Variants in OARD1 observed in about 807,000 individuals in gnomAD.
OARD1 encodes O-acyl-ADP-ribose deacylase 1, also known as ADP-ribose glycohydrolase OARD1.
A neutral mutation model predicts 19.7 loss-of-function variants in OARD1; 19 were observed. The ratio of observed to expected loss-of-function variants is 0.96; its 90% CI spans 0.67 to 1.41. The LOEUF (loss-of-function observed/expected upper bound fraction) is 1.41, where lower values mean the gene tolerates loss of function less well. Ranked by LOEUF, OARD1 falls within the 40% of genes most tolerant of loss-of-function variation. OARD1 has a pLI of 0.00. For synonymous variants in OARD1, 70 were observed against 61.8 expected (o/e 1.13, Z -0.62); for missense variants, 190 against 183.8 (o/e 1.03, Z -0.20).
At chr6:41,079,508 A>G (rs982715174) in intron 1 of OARD1, among the ~76,000 whole-genome samples, 1 of 152,244 alleles carries the variant, frequency 6.6e-6, no homozygotes, top group Non-Finnish European at 1.5e-5. Flanking sequence ...GTCTTTGGCC[A>G]CAACAGACAA....
chr6:41,071,525 A>C, intron 2 of OARD1, 71 bp downstream of exon 2: 1 of 1,299,320 alleles, frequency 7.7e-7, no homozygotes, highest in South Asian at 1.2e-5. Flanking sequence ...ATTTAATTAA[A>C]AAGTGTTTAT....
intron 1 of OARD1, chr6:41,084,296 T>G: frequency 7.6e-7 from 1 of 1,318,592 alleles, no homozygotes; most frequent in South Asian, 1.5e-5. Context: ...AACTGCTTCC[T>G]AACCCACATT....
At chr6:41,079,774 A>C (rs562117873) in intron 1 of OARD1, among the ~76,000 whole-genome samples, 2 of 152,346 alleles carry the variant, frequency 1.3e-5, no homozygotes, top group South Asian at 4.1e-4. Flanking sequence ...TCCCCACCCC[A>C]GAAGAAAAAA....
chr6:41,082,557 T>G (rs1763938870), intron 1 of OARD1, among the ~76,000 whole-genome samples: 1 of 152,174 alleles, frequency 6.6e-6, no homozygotes, highest in African/African-American at 2.4e-5. Context: ...AGATAGAAAA[T>G]TATTAATAGC....
At chr6:41,089,380 CCAGA>C (rs1473544954) in intron 1 of OARD1, among the ~76,000 whole-genome samples, 1 of 152,184 alleles carries the variant, frequency 6.6e-6, no homozygotes, top group Non-Finnish European at 1.5e-5. Flanking sequence ...TATCAGGTAT[CCAGA>C]CAGTGTCGAA....
intron 1 of OARD1, among the ~76,000 whole-genome samples, chr6:41,085,977 A>C (rs533180311): frequency 3.5e-4 from 53 of 152,326 alleles, no homozygotes; most frequent in African/African-American, 1.1e-3. Flanking sequence ...TATTTTTGCC[A>C]AGATAGAATT....
Position 41,091,567 on chromosome 6 carries a change from C to G in OARD1, c.-42+6146G>C, listed in dbSNP as rs958424394. ...TCAGGCATGATCACTATCCCAGCAG[C>G]CAGTTTGGCAGGAGCACAGATTGTT... On this transcript the variant is annotated intron_variant, in intron 1 of 4. Coordinates refer to the OARD1 transcript ENST00000480585. 6 of 1,614,022 alleles carry G rather than the reference C, an allele frequency of 3.7e-6. No homozygotes were observed. In the African/African-American group the frequency reaches 8.0e-5, roughly 22 times the overall value.
chr6:41,067,979 C>G (rs1294978314), intron 5 of OARD1, among the ~76,000 whole-genome samples: 1 of 149,846 alleles, frequency 6.7e-6, no homozygotes, highest in Non-Finnish European at 1.5e-5. Context: ...TACTTGGCAC[C>G]TTCCAAGATG....
intron 1 of OARD1, chr6:41,078,974 G>A: frequency 1.3e-6 from 1 of 781,538 alleles, no homozygotes; most frequent in Middle Eastern, 2.4e-4. Flanking sequence ...TTAATTGTCT[G>A]GTAAGGCCTT....
Position 41,071,349 on chromosome 6 carries a change from T to C in OARD1, c.40-73A>G, listed in dbSNP as rs1763373828. The C allele has an allele frequency of 5.5e-6, 8 of 1,467,630 alleles. 1 individual carries two copies. In the South Asian group the frequency reaches 5.9e-5, roughly 11 times the overall value. 90.9% of individuals were successfully genotyped at this position (1,467,630 alleles called of 1,614,324 possible). A position where few individuals can be genotyped will look rare whatever the true frequency, so the allele number is the denominator to read the frequency against. On this transcript the variant is annotated intron_variant, in intron 2 of 5. Coordinates refer to ENST00000424266, the MANE Select transcript of OARD1 (RefSeq NM_001329686.2). ...AATACTAAGCTATTTTTCTGTATTT[T>C]GTGTCCCCCACGACTACCTCTCCCG...
chr6:41,067,097 A>G lies in OARD1; in HGVS notation c.*238T>C. 3.6e-6 allele frequency: 1 copy of G among 280,820 alleles called. No homozygotes were observed. The highest frequency in any genetic ancestry group is 6.8e-6 in the Non-Finnish European group (1 of 148,066). 17.4% of individuals were successfully genotyped at this position (280,820 alleles called of 1,614,324 possible). On this transcript the variant is annotated 3_prime_UTR_variant, in exon 6 of 6. Coordinates refer to ENST00000424266, the MANE Select transcript of OARD1 (RefSeq NM_001329686.2). ...TCCCGACAATCTGGTTTCCCTGCCT[A>G]TTATCAAGCCACCTAACTCCTTACT...
chr6:41,069,920 T>C, intron 4 of OARD1, 156 bp downstream of exon 4: 1 of 708,740 alleles, frequency 1.4e-6, no homozygotes, highest in Middle Eastern at 2.6e-4. Flanking sequence ...ATCACTGGAC[T>C]GGAGTTGTCA....
At chr6:41,075,398 T>G (rs1281446156), upstream of OARD1, 1 of 152,258 alleles carries the variant, frequency 6.6e-6, no homozygotes. Context: ...TATGTTCTGG[T>G]CACTTCAAAA....
upstream of OARD1, among the ~76,000 whole-genome samples, chr6:41,076,633 A>G (rs976180038): frequency 1.3e-5 from 2 of 152,256 alleles, no homozygotes; most frequent in African/African-American, 4.8e-5. Flanking sequence ...CACTAGGAAG[A>G]GAATTTTCAT....
chr6:41,094,846 C>T (rs764425721), intron 1 of OARD1, among the ~76,000 whole-genome samples: 1 of 152,154 alleles, frequency 6.6e-6, no homozygotes, highest in Non-Finnish European at 1.5e-5. Flanking sequence ...GGTTGAGATG[C>T]TCTTCGTCTT....
rs146583416 is a variant in OARD1, at chr6:41,065,620, A to G, written c.*1715T>C. The G allele has an allele frequency of 1.1e-4, 16 of 152,310 alleles. No individual in the cohort carries two copies. The East Asian group carries it at 3.1e-3, about 29-fold the overall frequency. 9.4% of individuals were successfully genotyped at this position (152,310 alleles called of 1,614,324 possible). A position where few individuals can be genotyped will look rare whatever the true frequency, so the allele number is the denominator to read the frequency against. ...AGTTTGATAATGAACTTGACCCTCC[A>G]CTGCCCCTACCCCAACAACATGAAG... On this transcript the variant is annotated 3_prime_UTR_variant, in exon 6 of 6. Transcript: ENST00000424266.
intron 3 of OARD1, among the ~76,000 whole-genome samples, chr6:41,070,508 G>C (rs1763280225): frequency 6.6e-6 from 1 of 152,142 alleles, no homozygotes; most frequent in South Asian, 2.1e-4. Context: ...TACATACAAA[G>C]AGCTGTATAA....
intron 3 of OARD1, among the ~76,000 whole-genome samples, chr6:41,070,417 CTT>C (rs1490009657): frequency 6.6e-6 from 1 of 152,212 alleles, no homozygotes. Flanking sequence ...TGTCCACAAA[CTT>C]TCTCTATTGC....
intron 1 of OARD1, among the ~76,000 whole-genome samples, chr6:41,078,405 GAA>G (rs1763799422): frequency 6.6e-6 from 1 of 152,138 alleles, no homozygotes; most frequent in Admixed American, 6.5e-5. Context: ...AAATCAGAGA[GAA>G]AGACCTATCT....
Sources: allele counts gnomAD v4.1 joint callset (sites outside exome capture counted in the v4.1 genomes callset), GRCh38; gene constraint gnomAD v4.1.1; transcripts MANE v1.5; gene names NCBI Gene and HGNC (gene_info 2026-07-23, HGNC 2026-07-21).